GCFC2: variants seen among roughly 807,000 people sequenced by gnomAD.
GCFC2 encodes intron Large complex component GCFC2.
A neutral mutation model predicts 99.4 loss-of-function variants in GCFC2; 102 were observed. The ratio of observed to expected loss-of-function variants is 1.03; its 90% CI spans 0.87 to 1.21. GCFC2 has a LOEUF of 1.21. Among genes scored for constraint, GCFC2 ranks in the 50% most tolerant of loss-of-function variants. The probability of loss-of-function intolerance (pLI) is 0.00; values close to 1 mark genes in which losing one functional copy is unlikely to be tolerated. For synonymous variants in GCFC2, 338 were observed against 316.8 expected, an observed-to-expected ratio of 1.07 and a Z score of -0.71; for missense variants, 973 against 920.9, an observed-to-expected ratio of 1.06 and a Z score of -0.73.
intron 13 of GCFC2, 129 bp downstream of exon 13, chr2:75,673,312 GAAA>G (rs377679443): frequency 2.1e-5 from 10 of 486,446 alleles, no homozygotes; most frequent in Non-Finnish European, 2.6e-5. Flanking sequence ...AGTCTCAAAA[GAAA>G]AAAAAAAAAG....
chr2:75,700,849 GAGT>G (rs1249896716), intron 4 of GCFC2, among the ~76,000 whole-genome samples: 2 of 152,168 alleles, frequency 1.3e-5, no homozygotes, highest in African/African-American at 4.8e-5. Flanking sequence ...TGGATTATCT[GAGT>G]AGGCCCTAAA....
intron 15 of GCFC2, among the ~76,000 whole-genome samples, chr2:75,666,727 A>C (rs7573291): frequency 0.19 from 28,712 of 151,272 alleles, 3,431 homozygotes; most frequent in South Asian, 0.27. Flanking sequence ...AAAAAAAAAA[A>C]CTTCCTCATA....
intron 7 of GCFC2, 44 bp from the exon 8 acceptor site, chr2:75,690,763 G>T (rs2301979): frequency 0.032 from 29,117 of 913,988 alleles, 1,445 homozygotes; most frequent in East Asian, 0.14. Flanking sequence ...ATTCTCAAAA[G>T]AAAAAAGTAA....
intron 13 of GCFC2, among the ~76,000 whole-genome samples, 155 bp from the exon 14 acceptor site, chr2:75,672,171 AT>A (rs1312503661): frequency 6.8e-6 from 1 of 146,570 alleles, no homozygotes; most frequent in East Asian, 1.9e-4. Flanking sequence ...AATAAAATAT[AT>A]ATTTATTTAT....
Position 75,663,965 on chromosome 2 carries a change from A to C in GCFC2, c.*701T>G, listed in dbSNP as rs1380432458. The C allele has an allele frequency of 6.6e-6, 1 of 152,226 alleles. No homozygotes were observed. Among genetic ancestry groups the C allele is most frequent in the Non-Finnish European group, 1.5e-5 (1 of 68,046 alleles). 9.4% of individuals were successfully genotyped at this position (152,226 alleles called of 1,614,324 possible). On this transcript the variant is annotated 3_prime_UTR_variant, in exon 17 of 17. Transcript: ENST00000321027. ...TATCTTTAAAAATATAAAGGTCTTA[A>C]AGTCCATAAGAAAAAGATGGATATT...
At chr2:75,665,827 T>G in intron 16 of GCFC2, 102 bp downstream of exon 16, 1 of 720,178 alleles carries the variant, frequency 1.4e-6, no homozygotes, top group Non-Finnish European at 2.1e-6. Flanking sequence ...TTTTAACAAA[T>G]TTTTAAAAGT....
At chr2:75,699,562 A>ACATT (rs1553436993) in intron 4 of GCFC2, among the ~76,000 whole-genome samples, 8 of 152,146 alleles carry the variant, frequency 5.3e-5, no homozygotes, top group Admixed American at 1.3e-4. Flanking sequence ...TTTAAACTTT[A>ACATT]CATTCATTCA....
intron 11 of GCFC2, among the ~76,000 whole-genome samples, chr2:75,686,125 A>C (rs1431785615): frequency 6.6e-6 from 1 of 152,242 alleles, no homozygotes; most frequent in Non-Finnish European, 1.5e-5. Context: ...AGATTTTTTC[A>C]GCAGAGTGCT....
chr2:75,666,127 A>G, intron 15 of GCFC2, 74 bp from the exon 16 acceptor site: 2 of 1,122,542 alleles, frequency 1.8e-6, no homozygotes, highest in Non-Finnish European at 2.6e-6. Flanking sequence ...TCTCATAGTG[A>G]TACTGTAAGC....
chr2:75,702,148 T>C (rs759071253), intron 3 of GCFC2, 51 bp downstream of exon 3: 16 of 1,559,554 alleles, frequency 1.0e-5, no homozygotes, highest in Admixed American at 1.7e-5. Context: ...TTCTCTCATA[T>C]TATATTCTAA....
chr2:75,680,037 A>G (rs1679500572), intron 12 of GCFC2, among the ~76,000 whole-genome samples, 156 bp downstream of exon 12: 1 of 152,212 alleles, frequency 6.6e-6, no homozygotes, highest in Non-Finnish European at 1.5e-5. Context: ...GTGCAGTCTG[A>G]GAAAAAGTCT....
chr2:75,667,425 TTAAA>T (rs1420704582), intron 15 of GCFC2, among the ~76,000 whole-genome samples: 2 of 152,104 alleles, frequency 1.3e-5, no homozygotes, highest in African/African-American at 4.8e-5. Context: ...ATACAGTATA[TTAAA>T]TAAACGTTCT....
At chr2:75,709,857 AAAT>A (rs1345276349) in intron 1 of GCFC2, among the ~76,000 whole-genome samples, 3 of 152,242 alleles carry the variant, frequency 2.0e-5, no homozygotes, top group Non-Finnish European at 4.4e-5. Flanking sequence ...TGACAATAAA[AAAT>A]AATAGGAAGA....
intron 2 of GCFC2, 67 bp downstream of exon 2, chr2:75,706,456 T>C (rs1680867335): frequency 1.9e-6 from 2 of 1,036,402 alleles, no homozygotes; most frequent in Admixed American, 2.1e-5. Flanking sequence ...GTTATGTCAT[T>C]AATAACTATA....
At position 75,702,371 on chromosome 2, in the gene GCFC2, C is replaced by T. The variant is rs1680640425; in HGVS notation, c.447G>A (p.Leu149=). The part of the protein sequence containing the change: ...FIQAARRKRE[L]ARAQDDYISL... Reference sequence around the variant, plus strand: ...AAATATAGTCATCTTGGGCCCTGGCCAATTCACGTTTTCTGCGGGCTGCCT... The same window carrying T: ...AAATATAGTCATCTTGGGCCCTGGCTAATTCACGTTTTCTGCGGGCTGCCT... The change falls in exon 3 of 17, where the codon TTG becomes TTA. Residue 149 remains leucine (L), a synonymous_variant. Coordinates refer to ENST00000321027, the MANE Select transcript of GCFC2 (RefSeq NM_003203.5). 1.2e-6 allele frequency: 2 copies of T among 1,612,200 alleles called. No homozygotes were observed. Among genetic ancestry groups the T allele is most frequent in the Non-Finnish European group, 8.5e-7 (1 of 1,178,378 alleles).
intron 9 of GCFC2, 56 bp from the exon 10 acceptor site, chr2:75,689,281 T>C (rs959707913): frequency 2.1e-6 from 2 of 948,608 alleles, no homozygotes; most frequent in Admixed American, 4.2e-5. Flanking sequence ...TAAGTATGCT[T>C]CCTTAAAAAC....
chr2:75,667,696 T>C (rs563221356), intron 15 of GCFC2, among the ~76,000 whole-genome samples: 2 of 152,336 alleles, frequency 1.3e-5, no homozygotes, highest in East Asian at 3.9e-4. Flanking sequence ...TTTAACCATG[T>C]AGCTTTTGCG....
intron 16 of GCFC2, among the ~76,000 whole-genome samples, 158 bp from the exon 17 acceptor site, chr2:75,664,941 A>G (rs575346295): frequency 6.6e-6 from 1 of 152,294 alleles, no homozygotes; most frequent in Non-Finnish European, 1.5e-5. Context: ...TGCCATCTCC[A>G]CTTAATTATA....
rs1439556717 is a variant in GCFC2, at chr2:75,710,826, C to T, written c.30G>A (p.Arg10=). 2 of 1,577,990 alleles carry T rather than the reference C, an allele frequency of 1.3e-6. No homozygotes were observed. Among genetic ancestry groups the T allele is most frequent in the Non-Finnish European group, 1.7e-6 (2 of 1,169,716 alleles). MAHRPKRTF[R]QRAADSSDSD... ...TGTCGCTGGAATCAGCCGCGCGCTG[C>T]CGAAAAGTCCTTTTCGGCCTGTGAG... Residue 10 remains arginine (R), a synonymous_variant, in exon 1 of 17, where the codon CGG becomes CGA. Coordinates refer to ENST00000321027, the MANE Select transcript of GCFC2 (RefSeq NM_003203.5).
Sources: allele counts gnomAD v4.1 joint callset (sites outside exome capture counted in the v4.1 genomes callset), GRCh38; gene constraint gnomAD v4.1.1; transcripts MANE v1.5; gene names NCBI Gene and HGNC (gene_info 2026-07-23, HGNC 2026-07-21).